The following JAK1 variants were observed in gnomAD, a reference collection of about 807,000 sequenced individuals.
The protein encoded by JAK1 is tyrosine-protein kinase JAK1.
JAK1 carries 16 observed loss-of-function variants against 136.6 expected under a neutral mutation model. The ratio of observed to expected loss-of-function variants is 0.12; its 90% CI spans 0.08 to 0.18. JAK1 has a LOEUF of 0.18. Ranked by LOEUF, JAK1 falls within the 10% of genes least tolerant of loss-of-function variation. The pLI is 1.00. For synonymous variants in JAK1, 492 were observed against 519.5 expected (o/e 0.95, Z 0.72); for missense variants, 859 against 1,450.1 (o/e 0.59, Z 6.62).
rs1654754613 is a variant in JAK1 at position 64,839,512 on chromosome 1, T to G, written c.2842+91A>C. ...CCAGCTAGCATGTCAGACGCCCAGG[T>G]AAGGCCACGGAGTGCCTGTTTTGCA... On this transcript the variant is annotated intron_variant, in intron 20 of 24. Coordinates refer to ENST00000342505, the MANE Select transcript of JAK1 (RefSeq NM_002227.4). The G allele has an allele frequency of 3.6e-6, 4 of 1,105,394 alleles. No individual in the cohort carries two copies. In the African/African-American group the frequency reaches 6.3e-5, roughly 17 times the overall value. 68.5% of individuals were successfully genotyped at this position (1,105,394 alleles called of 1,614,324 possible).
chr1:64,952,632 T>C (rs1186385320), intron 1 of JAK1, among the ~76,000 whole-genome samples: 1 of 152,128 alleles, frequency 6.6e-6, no homozygotes, highest in East Asian at 1.9e-4. Flanking sequence ...TAGAACAAGA[T>C]AGCCTCAATT....
At chr1:65,037,032 A>G (rs780115652) in intron 2 of JAK1, among the ~76,000 whole-genome samples, 5 of 152,164 alleles carry the variant, frequency 3.3e-5, no homozygotes, top group Admixed American at 6.5e-5. Flanking sequence ...CAAAAAATTT[A>G]ATAATTAGCA....
intron 1 of JAK1, among the ~76,000 whole-genome samples, chr1:65,067,153 CCCGCG>C (rs1220878804): frequency 6.6e-6 from 1 of 151,550 alleles, no homozygotes; most frequent in African/African-American, 2.4e-5. Flanking sequence ...CCCGGCCCGC[CCCGCG>C]CCGCCGCCCC....
chr1:65,015,477 G>C (rs898005143), intron 2 of JAK1, among the ~76,000 whole-genome samples: 2 of 151,446 alleles, frequency 1.3e-5, no homozygotes, highest in Admixed American at 6.6e-5. Flanking sequence ...TTAAAAAAAG[G>C]AATAAAAATA....
chr1:64,838,977 C>G (rs1426792313), intron 20 of JAK1, among the ~76,000 whole-genome samples: 1 of 147,252 alleles, frequency 6.8e-6, no homozygotes, highest in African/African-American at 2.5e-5. Context: ...AACCCCGTCT[C>G]TACTAAAAAT....
chr1:64,876,485 C>T (rs963147373), intron 4 of JAK1: 5 of 152,162 alleles, frequency 3.3e-5, no homozygotes, highest in Admixed American at 2.0e-4. Flanking sequence ...TAAAGGTAAA[C>T]AGAAGATGAG....
intron 3 of JAK1, among the ~76,000 whole-genome samples, chr1:64,881,159 G>A (rs928773129): frequency 6.6e-6 from 1 of 151,792 alleles, no homozygotes; most frequent in African/African-American, 2.4e-5. Context: ...TTACTTGGGA[G>A]GCTAAGACTG....
chr1:64,892,213 G>A (rs913270178), intron 1 of JAK1, among the ~76,000 whole-genome samples: 1 of 152,122 alleles, frequency 6.6e-6, no homozygotes, highest in African/African-American at 2.4e-5. Context: ...TCAAAGACTT[G>A]GTGGCACAAA....
At chr1:64,900,580 C>T (rs375028824) in intron 1 of JAK1, among the ~76,000 whole-genome samples, 2 of 152,142 alleles carry the variant, frequency 1.3e-5, no homozygotes, top group Non-Finnish European at 2.9e-5. Context: ...AAGCCCTAAT[C>T]GTTCTAACTC....
At chr1:64,877,341 C>T (rs1257160171) in intron 4 of JAK1, among the ~76,000 whole-genome samples, 6 of 150,766 alleles carry the variant, frequency 4.0e-5, no homozygotes, top group African/African-American at 1.2e-4. Context: ...TTTTTTTTTC[C>T]AAGTTCAAAG....
intron 1 of JAK1, among the ~76,000 whole-genome samples, chr1:64,888,197 G>C (rs1271826875): frequency 6.6e-6 from 1 of 152,130 alleles, no homozygotes; most frequent in Non-Finnish European, 1.5e-5. Flanking sequence ...GTTTTGTTTT[G>C]TTTGAGCCTA....
In JAK1 at chr1:65,038,319, T is replaced by C. The variant is rs192583683; in HGVS notation, c.-78+6161A>G. 3.9e-4 allele frequency among the ~76,000 whole-genome samples: 58 copies of C among 149,066 alleles called. No individual in the cohort carries two copies. In the East Asian group the frequency reaches 4.9e-3, roughly 13 times the overall value. ...GGTCAAGCAATTCTCCTGCCTCAGC[T>C]TGCTGAGTAGCTGGGATTACAGGCA... On this transcript the variant is annotated intron_variant, in intron 2 of 25. Coordinates refer to the JAK1 transcript ENST00000671954.
At chr1:65,041,975 G>A (rs1012029845) in intron 2 of JAK1, among the ~76,000 whole-genome samples, 9 of 152,022 alleles carry the variant, frequency 5.9e-5, no homozygotes, top group South Asian at 2.1e-4. Flanking sequence ...TCCAGGAGGC[G>A]GAGGTTGCAG....
chr1:64,855,842 T>C, intron 10 of JAK1, 144 bp from the exon 11 acceptor site: 1 of 644,746 alleles, frequency 1.6e-6, no homozygotes, highest in Non-Finnish European at 2.6e-6. Flanking sequence ...TATTCAAAAA[T>C]AAAGTTTATT....
At chr1:64,871,889 G>A (rs920563735) in intron 5 of JAK1, among the ~76,000 whole-genome samples, 5 of 152,106 alleles carry the variant, frequency 3.3e-5, no homozygotes, top group South Asian at 2.1e-4. Flanking sequence ...AAGAATCATC[G>A]ACTTGAAACA....
At chr1:64,949,072 G>C (rs1049037526) in intron 1 of JAK1, among the ~76,000 whole-genome samples, 2 of 152,158 alleles carry the variant, frequency 1.3e-5, no homozygotes, top group African/African-American at 2.4e-5. Flanking sequence ...ACCATGAGAG[G>C]CTCTTCATAC....
chr1:64,897,200 C>T (rs1381930282), intron 1 of JAK1, among the ~76,000 whole-genome samples: 2 of 151,682 alleles, frequency 1.3e-5, no homozygotes, highest in South Asian at 2.1e-4. Context: ...AAGGCCGAGG[C>T]GGGTGGATCA....
At chr1:64,877,532 G>A (rs765633175) in intron 4 of JAK1, among the ~76,000 whole-genome samples, 1 of 151,980 alleles carries the variant, frequency 6.6e-6, no homozygotes, top group Non-Finnish European at 1.5e-5. Flanking sequence ...GCTCTACAAT[G>A]CCTCAATTGT....
At chr1:64,886,751 T>TACAC (rs3838404) in intron 1 of JAK1, among the ~76,000 whole-genome samples, 3,425 of 138,868 alleles carry the variant, frequency 0.025, 70 homozygotes, top group African/African-American at 0.067. Context: ...CAACCTTGTC[T>TACAC]ACACACACAC....
Sources: gnomAD v4.1 joint callset for allele counts (sites outside exome capture counted in the v4.1 genomes callset) on GRCh38, gnomAD v4.1.1 for gene constraint, MANE v1.5 for transcripts, NCBI Gene and HGNC (gene_info 2026-07-23, HGNC 2026-07-21) for gene names.